The following ITGB6 variants were observed in gnomAD, a reference collection of about 807,000 sequenced individuals.
ITGB6 encodes integrin beta-6.
ITGB6 carries 80 observed loss-of-function variants against 84.5 expected under a neutral mutation model. The observed-to-expected ratio is 0.95, with a 90% CI of 0.79 to 1.14. ITGB6 has a LOEUF of 1.14. Among genes scored for constraint, ITGB6 ranks in the 50% most tolerant of loss-of-function variants. The probability of loss-of-function intolerance (pLI) is 0.00; values close to 1 mark genes in which losing one functional copy is unlikely to be tolerated. For missense variants in ITGB6, 1,006 were observed against 968.0 expected, an observed-to-expected ratio of 1.04 and a Z score of -0.52; for synonymous variants, 383 against 354.9, an observed-to-expected ratio of 1.08 and a Z score of -0.89.
At chr2:160,157,068 G>A (rs1293185235) in intron 7 of ITGB6, among the ~76,000 whole-genome samples, 1 of 152,122 alleles carries the variant, frequency 6.6e-6, no homozygotes, top group African/African-American at 2.4e-5. Flanking sequence ...GGAGCTCCTT[G>A]GCTTGTAGAT....
intron 12 of ITGB6, among the ~76,000 whole-genome samples, chr2:160,116,661 C>A (rs1186792319): frequency 6.7e-6 from 1 of 149,038 alleles, no homozygotes; most frequent in Non-Finnish European, 1.5e-5. Context: ...TCACACATAA[C>A]AATATTAACT....
intron 8 of ITGB6, among the ~76,000 whole-genome samples, chr2:160,138,756 G>T (rs905296431): frequency 1.3e-5 from 2 of 152,124 alleles, no homozygotes; most frequent in Non-Finnish European, 2.9e-5. Flanking sequence ...ACACCCTGCT[G>T]CTCTGTTTTG....
chr2:160,104,749 A>T (rs1363668060), intron 14 of ITGB6, among the ~76,000 whole-genome samples: 1 of 152,258 alleles, frequency 6.6e-6, no homozygotes, highest in East Asian at 1.9e-4. Context: ...TTCTAATCAA[A>T]GATGAATTTA....
intron 2 of ITGB6, among the ~76,000 whole-genome samples, chr2:160,198,220 A>AT (rs979444703): frequency 1.3e-5 from 2 of 151,906 alleles, no homozygotes; most frequent in African/African-American, 2.4e-5. Flanking sequence ...ATTCTCTTGA[A>AT]TTTTTTTTGT....
At chr2:160,198,234 C>T (rs991429954) in intron 2 of ITGB6, among the ~76,000 whole-genome samples, 10 of 151,810 alleles carry the variant, frequency 6.6e-5, no homozygotes, top group African/African-American at 1.7e-4. Context: ...TTTTTGTGGC[C>T]GCGTTGGTCA....
chr2:160,177,458 C>G (rs1412151631), intron 4 of ITGB6, among the ~76,000 whole-genome samples: 4 of 151,836 alleles, frequency 2.6e-5, no homozygotes, highest in African/African-American at 9.7e-5. Context: ...GTAGTCCCAG[C>G]TACTCAGGAG....
At chr2:160,154,373 A>T (rs893307202) in intron 7 of ITGB6, among the ~76,000 whole-genome samples, 3 of 151,742 alleles carry the variant, frequency 2.0e-5, no homozygotes, top group Admixed American at 6.6e-5. Context: ...CATAGGTGGG[A>T]ATTGAACAAT....
At chr2:160,172,515 G>A in intron 6 of ITGB6, 54 bp downstream of exon 6, 2 of 1,479,654 alleles carry the variant, frequency 1.4e-6, no homozygotes, top group Admixed American at 3.4e-5. Flanking sequence ...ACTAGTTGTT[G>A]CTTCGTTCTC....
chr2:160,121,247 G>C lies in ITGB6; in HGVS notation c.1981+2544C>G, dbSNP rs193175974. On this transcript the variant is annotated intron_variant, in intron 12 of 14. Transcript: ENST00000283249. Reference sequence around the variant, plus strand: ...AAGGGGTTTATGGTCAGATAAGTTTGGGAATCCTCTATTTATTCCAATTCC... The same window carrying C: ...AAGGGGTTTATGGTCAGATAAGTTTCGGAATCCTCTATTTATTCCAATTCC... 1.6e-4 allele frequency among the ~76,000 whole-genome samples: 24 copies of C among 152,204 alleles called. No homozygotes were observed. In the East Asian group the frequency reaches 4.5e-3, roughly 28 times the overall value.
At position 160,101,618 on chromosome 2, in the gene ITGB6, A is replaced by T; in HGVS notation, c.*118T>A. The stretch of plus-strand genomic sequence containing the variant: ...TTCATGTAGAGGATGACTTATCTGC[A>T]GATGTCCTATTATTATCTTAAACCA... On this transcript the variant is annotated 3_prime_UTR_variant, in exon 15 of 15. Transcript: ENST00000283249. 1.5e-6 allele frequency: 1 copy of T among 683,778 alleles called. No individual in the cohort carries two copies. The highest frequency in any genetic ancestry group is 2.7e-5 in the East Asian group (1 of 37,114). 42.4% of individuals were successfully genotyped at this position (683,778 alleles called of 1,614,324 possible). A position where few individuals can be genotyped will look rare whatever the true frequency, so the allele number is the denominator to read the frequency against.
chr2:160,164,516 C>T (rs1574107308), intron 7 of ITGB6, among the ~76,000 whole-genome samples: 1 of 151,884 alleles, frequency 6.6e-6, no homozygotes, highest in African/African-American at 2.4e-5. Context: ...ACTAACATGG[C>T]GAAACCCCGT....
chr2:160,155,677 T>A (rs1684598644), intron 7 of ITGB6, among the ~76,000 whole-genome samples: 1 of 152,174 alleles, frequency 6.6e-6, no homozygotes, highest in African/African-American at 2.4e-5. Flanking sequence ...TTTAAGAGTA[T>A]GAGAAGGAGG....
chr2:160,172,761 T>C (rs777515105), intron 5 of ITGB6, 31 bp from the exon 6 acceptor site: 2 of 1,563,268 alleles, frequency 1.3e-6, no homozygotes, highest in East Asian at 2.3e-5. Flanking sequence ...TTGTGTGATA[T>C]TGGAGGGAGG....
At chr2:160,147,348 G>A (rs1248498092) in intron 7 of ITGB6, among the ~76,000 whole-genome samples, 1 of 152,080 alleles carries the variant, frequency 6.6e-6, no homozygotes, top group Non-Finnish European at 1.5e-5. Flanking sequence ...AATATCTTAA[G>A]TAGGATAGAA....
Position 160,153,487 on chromosome 2 carries a change from A to C in ITGB6, c.1018-11416T>G, listed in dbSNP as rs1306003548. On this transcript the variant is annotated intron_variant, in intron 7 of 14. Transcript: ENST00000283249. ...TTAAACCTAAAACCATAAAAACCCT[A>C]GAAGAAAACCTAGGCAATACCATTC... is the stretch of plus-strand genomic sequence containing the variant. 2.0e-5 allele frequency among the ~76,000 whole-genome samples: 3 copies of C among 152,348 alleles called. No individual in the cohort carries two copies. The East Asian group carries it at 5.8e-4, about 29-fold the overall frequency.
chr2:160,177,202 A>G (rs1269121794), intron 4 of ITGB6, among the ~76,000 whole-genome samples: 1 of 152,086 alleles, frequency 6.6e-6, no homozygotes, highest in Non-Finnish European at 1.5e-5. Flanking sequence ...ACTTATTAAC[A>G]TTTTGTATTT....
chr2:160,196,378 G>C lies in ITGB6; in HGVS notation c.184C>G (p.Pro62Ala), dbSNP rs531441228. Residue 62 changes from proline (P) to alanine (A), a missense_variant, in exon 3 of 15, where the codon CCA becomes GCA. Physicochemically the swap from Pro to Ala is conservative, Grantham distance 27 (BLOSUM62 -1). Transcript: ENST00000283249. ...PSGVGERCDT[P>A]ANLLAKGCQL... ...CATCCTTTAGCTAAAAGGTTTGCTG[G>C]GGTATCACACCTTTCGCCAACTCCA... is the stretch of plus-strand genomic sequence containing the variant. 6.2e-7 allele frequency: 1 copy of C among 1,613,766 alleles called. No homozygotes were observed. The highest frequency in any genetic ancestry group is 1.7e-5 in the Admixed American group (1 of 59,982).
Position 160,169,214 on chromosome 2 carries a change from C to T in ITGB6, c.1015G>A (p.Glu339Lys). Residue 339 changes from glutamate (E) to lysine (K), a missense_variant and splice_region_variant, in exon 7 of 15, where the codon GAG becomes AAG. Physicochemically the swap from Glu to Lys is moderately conservative, Grantham distance 56. Coordinates refer to ENST00000283249, the MANE Select transcript of ITGB6 (RefSeq NM_000888.5). ...TTTCCCAAGTTATTTTTGCTTACCT[C>T]ATATAAATGAACTTGTTCTTGGGTT... ...AVTQEQVHLY[E>K]NYAKLIPGAT... The T allele has an allele frequency of 3.2e-6, 5 of 1,576,988 alleles. No homozygotes were observed. Among genetic ancestry groups the T allele is most frequent in the Non-Finnish European group, 4.3e-6 (5 of 1,157,230 alleles).
At chr2:160,173,537 T>C (rs1296480660) in intron 5 of ITGB6, among the ~76,000 whole-genome samples, 3 of 152,214 alleles carry the variant, frequency 2.0e-5, no homozygotes, top group Non-Finnish European at 4.4e-5. Flanking sequence ...TGTAATGTTG[T>C]AGAGACAGCA....
Sources: gnomAD v4.1 joint callset for allele counts (sites outside exome capture counted in the v4.1 genomes callset) on GRCh38, gnomAD v4.1.1 for gene constraint, MANE v1.5 for transcripts, NCBI Gene and HGNC (gene_info 2026-07-23, HGNC 2026-07-21) for gene names.